KCNB2: variants seen among roughly 807,000 people sequenced by gnomAD.
KCNB2 encodes potassium voltage-gated channel subfamily B member 2.
KCNB2 carries 15 observed loss-of-function variants against 61.5 expected under a neutral mutation model. The ratio of observed to expected loss-of-function variants is 0.24; its 90% CI spans 0.16 to 0.38. The LOEUF is 0.38. KCNB2 is among the 10% of genes least tolerant of loss of function. KCNB2 has a pLI of 1.00. For synonymous variants in KCNB2, 457 were observed against 446.0 expected (o/e 1.02, Z -0.31); for missense variants, 828 against 1,125.2 (o/e 0.74, Z 3.78).
In KCNB2 at chr8:72,546,188, G is replaced by C. The variant is rs973910130; in HGVS notation, c.-94+8303G>C. Reference sequence around the variant, plus strand: ...AAAGCTAGCAGAGGTTGGTTCACAGGTTTAAAAAAAAATAAGCCATCTCCG... The same window carrying C: ...AAAGCTAGCAGAGGTTGGTTCACAGCTTTAAAAAAAAATAAGCCATCTCCG... On this transcript the variant is annotated intron_variant, in intron 1 of 2. Transcript: ENST00000523207. Among the ~76,000 whole-genome samples the C allele has an allele frequency of 4.0e-4, 14 of 35,366 alleles. No individual in the cohort carries two copies. The African/African-American group carries it at 4.0e-3, about 10-fold the overall frequency. 23.2% of individuals were successfully genotyped at this position (35,366 alleles called of 152,430 possible).
chr8:72,782,026 T>C (rs1365106856), intron 2 of KCNB2, among the ~76,000 whole-genome samples: 1 of 152,154 alleles, frequency 6.6e-6, no homozygotes, highest in African/African-American at 2.4e-5. Flanking sequence ...ACCTAGTTGA[T>C]GGGTTGATAG....
At chr8:72,829,804 A>G (rs1454487601) in intron 2 of KCNB2, among the ~76,000 whole-genome samples, 1 of 152,104 alleles carries the variant, frequency 6.6e-6, no homozygotes, top group Non-Finnish European at 1.5e-5. Flanking sequence ...AGCCAAAAAA[A>G]ATGTGTCTGA....
At chr8:72,798,126 T>C (rs1323184966) in intron 2 of KCNB2, among the ~76,000 whole-genome samples, 3 of 151,962 alleles carry the variant, frequency 2.0e-5, no homozygotes, top group Non-Finnish European at 2.9e-5. Flanking sequence ...CCGTTGATGC[T>C]AAGCAGCAAC....
chr8:72,664,358 G>C (rs931848826), intron 2 of KCNB2, among the ~76,000 whole-genome samples: 4 of 152,228 alleles, frequency 2.6e-5, no homozygotes, highest in African/African-American at 9.7e-5. Flanking sequence ...GTTCAAGCCA[G>C]CATGCATTTC....
intron 2 of KCNB2, among the ~76,000 whole-genome samples, chr8:72,804,252 C>T (rs1253248377): frequency 2.6e-5 from 4 of 151,972 alleles, no homozygotes; most frequent in South Asian, 2.1e-4. Flanking sequence ...TCCAAGGCAA[C>T]GGCTAACAAG....
chr8:72,576,845 A>G (rs1563528095), intron 2 of KCNB2, among the ~76,000 whole-genome samples: 1 of 152,218 alleles, frequency 6.6e-6, no homozygotes, highest in African/African-American at 2.4e-5. Flanking sequence ...CACAAACATA[A>G]TGAAGCTAGA....
In KCNB2 at chr8:72,873,738, T is replaced by G. The variant is rs78608064; in HGVS notation, c.580-62197T>G. On this transcript the variant is annotated intron_variant, in intron 2 of 2. Coordinates refer to ENST00000523207, the MANE Select transcript of KCNB2 (RefSeq NM_004770.3). Reference sequence around the variant, plus strand: ...GACACAGACCCATGGTCCTACACAATGTAGTGGGCATGCCTGTCCTGAAGA... The same window carrying G: ...GACACAGACCCATGGTCCTACACAAGGTAGTGGGCATGCCTGTCCTGAAGA... Among the ~76,000 whole-genome samples the G allele has an allele frequency of 1.5e-4, 23 of 152,330 alleles. No homozygotes were observed. In the East Asian group the frequency reaches 1.9e-3, roughly 13 times the overall value.
intron 2 of KCNB2, among the ~76,000 whole-genome samples, chr8:72,817,157 T>C (rs963842972): frequency 1.3e-5 from 2 of 152,170 alleles, no homozygotes; most frequent in African/African-American, 2.4e-5. Flanking sequence ...TAAAGGGTTT[T>C]GAATGAATCA....
intron 2 of KCNB2, among the ~76,000 whole-genome samples, chr8:72,778,572 T>C (rs1407147906): frequency 6.7e-6 from 1 of 150,096 alleles, no homozygotes; most frequent in Non-Finnish European, 1.5e-5. Context: ...ACCCGGTCTC[T>C]ACAAAGAATA....
chr8:72,830,429 C>T lies in KCNB2; in HGVS notation c.580-105506C>T, dbSNP rs182088411. 7.0e-4 allele frequency among the ~76,000 whole-genome samples: 107 copies of T among 152,180 alleles called. 2 individuals carry two copies. Among genetic ancestry groups the T allele is most frequent in the Non-Finnish European group, 8.7e-4 (59 of 67,982 alleles). On this transcript the variant is annotated intron_variant, in intron 2 of 2. Coordinates refer to ENST00000523207, the MANE Select transcript of KCNB2 (RefSeq NM_004770.3). ...AAACCCATCCTAGTGCTAATTCACA[C>T]TTAAAGAAGGAACCCTTGGACATCA...
chr8:72,575,627 G>C (rs972813605), intron 2 of KCNB2, among the ~76,000 whole-genome samples: 2 of 152,042 alleles, frequency 1.3e-5, no homozygotes, highest in Non-Finnish European at 1.5e-5. Flanking sequence ...ATTGAGTCAT[G>C]GAAACTAAAC....
At chr8:72,856,745 G>A (rs1321255302) in intron 2 of KCNB2, among the ~76,000 whole-genome samples, 1 of 152,158 alleles carries the variant, frequency 6.6e-6, no homozygotes, top group Non-Finnish European at 1.5e-5. Flanking sequence ...AGAACATTGT[G>A]AGATGATATT....
intron 2 of KCNB2, among the ~76,000 whole-genome samples, chr8:72,838,629 T>C (rs1163078800): frequency 6.6e-6 from 1 of 152,210 alleles, no homozygotes; most frequent in African/African-American, 2.4e-5. Flanking sequence ...ATTTACCCAG[T>C]AATGGGATTG....
intron 2 of KCNB2, among the ~76,000 whole-genome samples, chr8:72,921,286 A>G (rs1050586518): frequency 6.6e-6 from 1 of 152,056 alleles, no homozygotes; most frequent in African/African-American, 2.4e-5. Context: ...GTTCTATTCT[A>G]CTTTTTTTAA....
At chr8:72,910,616 G>A (rs948124963) in intron 2 of KCNB2, among the ~76,000 whole-genome samples, 1 of 152,158 alleles carries the variant, frequency 6.6e-6, no homozygotes, top group East Asian at 1.9e-4. Context: ...TTCTACCAAA[G>A]AGTCAATAAA....
At chr8:72,642,419 C>G (rs960344433) in intron 2 of KCNB2, among the ~76,000 whole-genome samples, 1 of 152,058 alleles carries the variant, frequency 6.6e-6, no homozygotes, top group African/African-American at 2.4e-5. Context: ...AGCACTGTTT[C>G]AGATGGTGCA....
At chr8:72,865,491 A>G (rs1326171531) in intron 2 of KCNB2, among the ~76,000 whole-genome samples, 1 of 152,186 alleles carries the variant, frequency 6.6e-6, no homozygotes, top group East Asian at 1.9e-4. Flanking sequence ...TTTTGAATAC[A>G]TATAGCACAG....
rs1436670070 is a variant in KCNB2 at position 72,863,533 on chromosome 8, G to A, written c.580-72402G>A. 1.3e-5 allele frequency among the ~76,000 whole-genome samples: 2 copies of A among 152,196 alleles called. 1 individual carries two copies. The highest frequency in any genetic ancestry group is 1.3e-4 in the Admixed American group (2 of 15,282). On this transcript the variant is annotated intron_variant, in intron 2 of 2. Transcript: ENST00000523207. ...TTGTATCAGCATCCCTATCAGCAGT[G>A]CTGTTTGAGCTGTCTTCCCACCTGG...
intron 2 of KCNB2, among the ~76,000 whole-genome samples, chr8:72,894,823 A>G (rs1805963409): frequency 6.6e-6 from 1 of 152,146 alleles, no homozygotes; most frequent in African/African-American, 2.4e-5. Context: ...TTTGCATTGC[A>G]TATTTTAGAC....
Sources: allele counts gnomAD v4.1 joint callset (sites outside exome capture counted in the v4.1 genomes callset), GRCh38; gene constraint gnomAD v4.1.1; transcripts MANE v1.5; gene names NCBI Gene and HGNC (gene_info 2026-07-23, HGNC 2026-07-21).